Variants in ADGRF5 observed in about 807,000 individuals in gnomAD.
ADGRF5 encodes the protein adhesion G protein-coupled receptor F5.
In ADGRF5, 75 loss-of-function variants were observed where a neutral mutation model predicts 132.3. The ratio of observed to expected loss-of-function variants is 0.57; its 90% CI spans 0.47 to 0.69. The LOEUF (loss-of-function observed/expected upper bound fraction) is 0.69. Among genes scored for constraint, ADGRF5 ranks in the 30% least tolerant of loss-of-function variants. The probability of loss-of-function intolerance (pLI) is 0.00; values close to 1 mark genes in which losing one functional copy is unlikely to be tolerated. For missense variants in ADGRF5, 1,516 were observed against 1,630.6 expected (o/e 0.93, Z 1.21); for synonymous variants, 629 against 597.6 (o/e 1.05, Z -0.77).
intron 10 of ADGRF5, among the ~76,000 whole-genome samples, chr6:46,875,211 A>T (rs1427252440): frequency 2.0e-5 from 3 of 152,178 alleles, no homozygotes; most frequent in Admixed American, 6.5e-5. Flanking sequence ...GTAAACTCAG[A>T]AAACACAAGC....
intron 3 of ADGRF5, among the ~76,000 whole-genome samples, chr6:46,899,675 T>C (rs1774544587): frequency 6.6e-6 from 1 of 151,480 alleles, no homozygotes; most frequent in African/African-American, 2.4e-5. Flanking sequence ...TTTGTTTGTT[T>C]TGTTTTTTTT....
intron 2 of ADGRF5, among the ~76,000 whole-genome samples, chr6:46,900,898 C>T (rs1774695049): frequency 6.6e-6 from 1 of 152,152 alleles, no homozygotes. Flanking sequence ...ATCCTAGCTC[C>T]ATCATAAAAT....
rs1399202712 is a variant in ADGRF5 at position 46,878,202 on chromosome 6, C to T, written c.1240G>A (p.Gly414Arg). Reference protein sequence around the residue: ...WKQEGKINIPGTPETDIDSSC... With the variant: ...WKQEGKINIPRTPETDIDSSC... ...AAAAGGGCTTATCTAACATTCTCAC[C>T]TGGAATATTTATTTTTCCTTCCTGC... The change falls in exon 10 of 21, where the codon GGA (glycine) becomes AGA (arginine). Residue 414 changes from glycine to arginine, a missense_variant and splice_region_variant. Transcript: ENST00000283296. 6.2e-7 allele frequency: 1 copy of T among 1,602,276 alleles called. No homozygotes were observed. The highest frequency in any genetic ancestry group is 8.6e-7 in the Non-Finnish European group (1 of 1,169,310).
chr6:46,944,948 G>A (rs1778245577), intron 1 of ADGRF5, among the ~76,000 whole-genome samples: 1 of 152,172 alleles, frequency 6.6e-6, no homozygotes, highest in South Asian at 2.1e-4. Context: ...GGCCACCATT[G>A]TTCCCCTTCA....
intron 4 of ADGRF5, among the ~76,000 whole-genome samples, chr6:46,885,260 C>A (rs761651271): frequency 1.5e-4 from 22 of 150,752 alleles, no homozygotes; most frequent in Non-Finnish European, 3.0e-4. Flanking sequence ...AATTTTTTTT[C>A]ATATGCCAGT....
intron 1 of ADGRF5, among the ~76,000 whole-genome samples, chr6:46,935,945 C>T (rs1025440180): frequency 1.3e-5 from 2 of 152,184 alleles, no homozygotes; most frequent in Non-Finnish European, 2.9e-5. Context: ...GTCCTATTAC[C>T]GCCTGACCCT....
chr6:46,931,083 C>T (rs1018269568), intron 1 of ADGRF5, among the ~76,000 whole-genome samples: 6 of 152,088 alleles, frequency 3.9e-5, no homozygotes, highest in Admixed American at 2.0e-4. Context: ...CATCTTCCTA[C>T]ATAAAAACTT....
chr6:46,945,118 G>T (rs1449706645), intron 1 of ADGRF5, among the ~76,000 whole-genome samples: 1 of 152,168 alleles, frequency 6.6e-6, no homozygotes, highest in Non-Finnish European at 1.5e-5. Flanking sequence ...TCAGGTGCAT[G>T]AATATGCAGT....
intron 3 of ADGRF5, among the ~76,000 whole-genome samples, chr6:46,895,477 T>C (rs542848352): frequency 2.7e-4 from 41 of 151,550 alleles, no homozygotes; most frequent in African/African-American, 9.9e-4. Flanking sequence ...CGGCATTTCC[T>C]AGACCCAGAT....
chr6:46,939,761 T>C (rs1777982408), intron 1 of ADGRF5, among the ~76,000 whole-genome samples: 1 of 152,216 alleles, frequency 6.6e-6, no homozygotes, highest in African/African-American at 2.4e-5. Flanking sequence ...TTCAAGCATG[T>C]ATTTAGCCCA....
At chr6:46,866,532 T>C (rs1242389610) in intron 13 of ADGRF5, among the ~76,000 whole-genome samples, 1 of 152,160 alleles carries the variant, frequency 6.6e-6, no homozygotes, top group African/African-American at 2.4e-5. Context: ...TTTTTGGCAC[T>C]TGGTTGTTTC....
intron 14 of ADGRF5, 103 bp downstream of exon 14, chr6:46,864,939 T>C: frequency 1.3e-6 from 1 of 770,832 alleles, no homozygotes; most frequent in Non-Finnish European, 2.2e-6. Flanking sequence ...ACAGTGAGGG[T>C]ATTTAACATA....
intron 1 of ADGRF5, among the ~76,000 whole-genome samples, chr6:46,934,910 T>C (rs1458955783): frequency 6.6e-6 from 1 of 152,130 alleles, no homozygotes; most frequent in Non-Finnish European, 1.5e-5. Flanking sequence ...TAGTAGCAAT[T>C]GTTTAGAACT....
chr6:46,855,904 G>T, intron 20 of ADGRF5, 70 bp downstream of exon 20: 1 of 838,524 alleles, frequency 1.2e-6, no homozygotes, highest in Non-Finnish European at 2.1e-6. Flanking sequence ...AAAGAGTAGG[G>T]GTGTTGAGGC....
chr6:46,888,289 C>T, intron 4 of ADGRF5, 46 bp downstream of exon 4: 5 of 1,379,754 alleles, frequency 3.6e-6, no homozygotes, highest in Non-Finnish European at 5.2e-6. Context: ...CAGTCTGTCT[C>T]AAGACATCCA....
chr6:46,940,036 G>C (rs954217315), intron 1 of ADGRF5, among the ~76,000 whole-genome samples: 5 of 151,978 alleles, frequency 3.3e-5, no homozygotes, highest in Non-Finnish European at 5.9e-5. Context: ...CATACAGTTG[G>C]TATTTGTAGT....
Position 46,883,615 on chromosome 6 carries a change from G to A in ADGRF5, c.556C>T (p.Leu186Phe). ...VRLNVGFQED[L>F]MNTSSALYRS... Reference sequence around the variant, plus strand: ...TAGAGGGCGGAGGAAGTGTTCATGAGGTCTTCTTGAAAGCCTACATTTAGT... The same window carrying A: ...TAGAGGGCGGAGGAAGTGTTCATGAAGTCTTCTTGAAAGCCTACATTTAGT... The change falls in exon 6 of 21, where the codon CTC becomes TTC. Residue 186 changes from leucine to phenylalanine, a missense_variant. Physicochemically the swap from Leu to Phe is conservative, Grantham distance 22. Coordinates refer to ENST00000283296, the MANE Select transcript of ADGRF5 (RefSeq NM_001098518.2). The A allele has an allele frequency of 1.9e-6, 3 of 1,606,466 alleles. No individual in the cohort carries two copies. The highest frequency in any genetic ancestry group is 2.5e-6 in the Non-Finnish European group (3 of 1,177,438).
chr6:46,906,852 G>GC (rs2150897688), intron 1 of ADGRF5, 66 bp from the exon 2 acceptor site: 1 of 773,322 alleles, frequency 1.3e-6, no homozygotes, highest in Non-Finnish European at 2.3e-6. Flanking sequence ...AAAAGAACTC[G>GC]CAAGCCCTGT....
intron 14 of ADGRF5, among the ~76,000 whole-genome samples, chr6:46,863,892 A>G (rs1191479018): frequency 3.9e-5 from 6 of 152,246 alleles, no homozygotes; most frequent in Admixed American, 3.9e-4. Context: ...AGAAGAGGTG[A>G]CCTTTGCTGC....
Sources: allele counts gnomAD v4.1 joint callset (sites outside exome capture counted in the v4.1 genomes callset), GRCh38; gene constraint gnomAD v4.1.1; transcripts MANE v1.5; gene names NCBI Gene and HGNC (gene_info 2026-07-23, HGNC 2026-07-21).